The following FSTL4 variants were observed in gnomAD, a reference collection of about 807,000 sequenced individuals.
The protein encoded by FSTL4 is follistatin-related protein 4.
In FSTL4, 28 loss-of-function variants were observed where a neutral mutation model predicts 78.2. The observed-to-expected ratio is 0.36, with a 90% confidence interval of 0.27 to 0.49. The LOEUF is 0.49. FSTL4 is among the 20% of genes least tolerant of loss of function. The probability of loss-of-function intolerance (pLI) is 0.98; values close to 1 mark genes in which losing one functional copy is unlikely to be tolerated. For synonymous variants in FSTL4, 422 were observed against 440.5 expected (o/e 0.96, Z 0.53); for missense variants, 922 against 1,084.9 (o/e 0.85, Z 2.11).
intron 3 of FSTL4, among the ~76,000 whole-genome samples, chr5:133,423,438 C>G (rs995226513): frequency 6.6e-6 from 1 of 152,238 alleles, no homozygotes; most frequent in African/African-American, 2.4e-5. Context: ...ACAGCACTCT[C>G]TGTGGAAGAG....
intron 4 of FSTL4, among the ~76,000 whole-genome samples, chr5:133,365,724 A>G (rs1755169541): frequency 6.6e-6 from 1 of 152,256 alleles, no homozygotes; most frequent in South Asian, 2.1e-4. Flanking sequence ...CCTTTTCAAT[A>G]TTCTGTTATT....
At chr5:133,562,176 T>C (rs968965600) in intron 3 of FSTL4, among the ~76,000 whole-genome samples, 1 of 152,176 alleles carries the variant, frequency 6.6e-6, no homozygotes, top group Non-Finnish European at 1.5e-5. Context: ...TTAAATTCCC[T>C]ACATCTGCAG....
intron 3 of FSTL4, among the ~76,000 whole-genome samples, chr5:133,461,567 A>AAACC (rs1205137428): frequency 1.4e-5 from 2 of 147,856 alleles, no homozygotes; most frequent in East Asian, 1.9e-4. Flanking sequence ...ACAAACAAAC[A>AAACC]AACCCTCCGA....
the FSTL4 span, among the ~76,000 whole-genome samples, chr5:133,800,698 G>A: frequency 6.4e-5 from 7 of 108,800 alleles, 1 homozygote; most frequent in African/African-American, 1.0e-4. Flanking sequence ...ATATAAGCCC[G>A]GAGCTACAAA....
the FSTL4 span, among the ~76,000 whole-genome samples, chr5:133,688,463 C>T: frequency 3.3e-5 from 5 of 152,154 alleles, no homozygotes; most frequent in Non-Finnish European, 4.4e-5. Flanking sequence ...TTCTAGAGAA[C>T]GAGAAGAGAA....
the FSTL4 span, among the ~76,000 whole-genome samples, chr5:133,767,521 G>C: frequency 6.6e-6 from 1 of 152,162 alleles, no homozygotes; most frequent in Non-Finnish European, 1.5e-5. Flanking sequence ...GGAGTTTGCT[G>C]GTCTATAGGC....
the FSTL4 span, among the ~76,000 whole-genome samples, chr5:133,733,233 T>C: frequency 6.6e-6 from 1 of 152,232 alleles, no homozygotes; most frequent in Non-Finnish European, 1.5e-5. Flanking sequence ...ATTCCCAGTA[T>C]ATCTCATGGT....
At chr5:133,385,599 G>A (rs927307552) in intron 4 of FSTL4, among the ~76,000 whole-genome samples, 1 of 152,158 alleles carries the variant, frequency 6.6e-6, no homozygotes, top group African/African-American at 2.4e-5. Context: ...AGCCCACCCT[G>A]TCCACTGGCT....
chr5:133,219,287 A>G (rs957342480), intron 12 of FSTL4, among the ~76,000 whole-genome samples: 2 of 152,162 alleles, frequency 1.3e-5, no homozygotes, highest in Non-Finnish European at 2.9e-5. Flanking sequence ...ATTCTCTCCT[A>G]GGTGACTGCA....
At chr5:133,518,866 T>C (rs1490653248) in intron 3 of FSTL4, among the ~76,000 whole-genome samples, 1 of 152,124 alleles carries the variant, frequency 6.6e-6, no homozygotes, top group Admixed American at 6.5e-5. Context: ...GGGGGAAAAA[T>C]TTAAAATCGT....
At chr5:133,533,382 C>T (rs1359903776) in intron 3 of FSTL4, among the ~76,000 whole-genome samples, 1 of 152,140 alleles carries the variant, frequency 6.6e-6, no homozygotes. Flanking sequence ...GTAGCTAGGA[C>T]TACAGGCTTG....
chr5:133,398,725 C>T (rs987372224), intron 4 of FSTL4, among the ~76,000 whole-genome samples: 4 of 152,102 alleles, frequency 2.6e-5, no homozygotes, highest in African/African-American at 9.7e-5. Flanking sequence ...ATTTTACAGT[C>T]GAGGAAAAGG....
At chr5:133,329,398 G>A (rs944509693) in intron 4 of FSTL4, among the ~76,000 whole-genome samples, 1 of 151,632 alleles carries the variant, frequency 6.6e-6, no homozygotes, top group Admixed American at 6.6e-5. Context: ...AAGAGAGAGA[G>A]AGATATATAT....
At chr5:133,552,519 T>C (rs1759707050) in intron 3 of FSTL4, among the ~76,000 whole-genome samples, 1 of 152,238 alleles carries the variant, frequency 6.6e-6, no homozygotes, top group Admixed American at 6.5e-5. Flanking sequence ...TTTGGATATT[T>C]GAATCTGTTG....
At chr5:133,779,310 G>A in the FSTL4 span, among the ~76,000 whole-genome samples, 3 of 152,276 alleles carry the variant, frequency 2.0e-5, no homozygotes, top group South Asian at 2.1e-4. Context: ...ATGTGGGCCA[G>A]GCATGGTGGC....
At chr5:133,476,513 A>C (rs990658190) in intron 3 of FSTL4, among the ~76,000 whole-genome samples, 4 of 152,222 alleles carry the variant, frequency 2.6e-5, no homozygotes, top group South Asian at 2.1e-4. Context: ...CATTTTAAGC[A>C]GGTGTAAATA....
At chr5:133,656,440 T>C in the FSTL4 span, among the ~76,000 whole-genome samples, 1 of 152,164 alleles carries the variant, frequency 6.6e-6, no homozygotes, top group South Asian at 2.1e-4. Flanking sequence ...GCAGTTCTCA[T>C]CTGAGAAAGC....
At chr5:133,216,321 T>C (rs1161428435) in intron 13 of FSTL4, among the ~76,000 whole-genome samples, 1 of 152,128 alleles carries the variant, frequency 6.6e-6, no homozygotes, top group Non-Finnish European at 1.5e-5. Context: ...GACAGAGTGT[T>C]GCTCTGCTGC....
At chr5:133,769,306 T>C in the FSTL4 span, among the ~76,000 whole-genome samples, 1 of 152,190 alleles carries the variant, frequency 6.6e-6, no homozygotes, top group South Asian at 2.1e-4. Flanking sequence ...ATAGCACACA[T>C]TTTCCAGAAT....
Sources: gnomAD v4.1 joint callset for allele counts (sites outside exome capture counted in the v4.1 genomes callset) on GRCh38, gnomAD v4.1.1 for gene constraint, MANE v1.5 for transcripts, NCBI Gene and HGNC (gene_info 2026-07-23, HGNC 2026-07-21) for gene names.